TMCC3: variants seen among roughly 807,000 people sequenced by gnomAD.
TMCC3 encodes transmembrane and coiled-coil domain family 3, also known as transmembrane and coiled-coil domain protein 3.
TMCC3 carries 28 observed loss-of-function variants against 40.2 expected under a neutral mutation model. The observed-to-expected ratio is 0.70, with a 90% CI of 0.52 to 0.95. The LOEUF is 0.95. Among genes scored for constraint, TMCC3 ranks in the 40% least tolerant of loss-of-function variants. TMCC3 has a pLI of 0.00. For missense variants in TMCC3, 554 were observed against 615.2 expected (o/e 0.90, Z 1.05); for synonymous variants, 255 against 248.5 (o/e 1.03, Z -0.25).
rs139869380 is a variant in TMCC3 at position 94,584,932 on chromosome 12, T to C, written c.79-2394A>G. Among the ~76,000 whole-genome samples, 4 of 151,874 alleles carry C rather than the reference T, an allele frequency of 2.6e-5. No homozygotes were observed. In the East Asian group the frequency reaches 7.7e-4, roughly 29 times the overall value. On this transcript the variant is annotated intron_variant, in intron 1 of 3. Transcript: ENST00000261226. ...TCCTAGAGGGTCGACCACAGGAAGC[T>C]CAAGGAATCTAGTATCTGTGGCTCA...
intron 1 of TMCC3, among the ~76,000 whole-genome samples, chr12:94,589,056 C>T (rs888151977): frequency 6.6e-6 from 1 of 152,098 alleles, no homozygotes. Context: ...CTCCTGACCT[C>T]AGGTGATCCG....
intron 1 of TMCC3, among the ~76,000 whole-genome samples, chr12:94,603,756 C>A (rs1566325112): frequency 1.3e-5 from 2 of 152,208 alleles, no homozygotes; most frequent in Non-Finnish European, 1.5e-5. Flanking sequence ...AAGATGTATA[C>A]ACTTTACTGT....
Position 94,571,101 on chromosome 12 carries a change from G to A in TMCC3, c.*334C>T, listed in dbSNP as rs965648440. Reference sequence around the variant, plus strand: ...GAAGCTCAATTCTGACAGAGACTTAGGAGAGAGACCTCTTTCTTCAGGATC... The same window carrying A: ...GAAGCTCAATTCTGACAGAGACTTAAGAGAGAGACCTCTTTCTTCAGGATC... On this transcript the variant is annotated 3_prime_UTR_variant, in exon 4 of 4. Transcript: ENST00000261226. 1 of 284,906 alleles carries A rather than the reference G, an allele frequency of 3.5e-6. No individual in the cohort carries two copies. The highest frequency in any genetic ancestry group is 6.6e-6 in the Non-Finnish European group (1 of 150,576). The allele number at this position is 284,906 out of a possible 1,614,324, so 17.6% of individuals were successfully genotyped here.
At chr12:94,614,712 C>T (rs992891801) in intron 1 of TMCC3, among the ~76,000 whole-genome samples, 10 of 151,690 alleles carry the variant, frequency 6.6e-5, no homozygotes, top group African/African-American at 1.7e-4. Flanking sequence ...GATATGCTGT[C>T]GGAACAACTG....
At chr12:94,590,971 A>C (rs1047040780) in intron 1 of TMCC3, 2 of 567,316 alleles carry the variant, frequency 3.5e-6, no homozygotes, top group Non-Finnish European at 7.0e-6. Flanking sequence ...TCAACATTTA[A>C]ATATGATCTT....
At chr12:94,620,834 T>G (rs2068872417) in intron 1 of TMCC3, among the ~76,000 whole-genome samples, 1 of 152,222 alleles carries the variant, frequency 6.6e-6, no homozygotes, top group Admixed American at 6.5e-5. Flanking sequence ...TCTAAGGCAC[T>G]TTATGTGTTG....
intron 1 of TMCC3, among the ~76,000 whole-genome samples, chr12:94,607,048 G>A (rs181096968): frequency 7.2e-5 from 11 of 152,272 alleles, no homozygotes; most frequent in East Asian, 1.9e-4. Context: ...CAGAGTGGCC[G>A]TTTACAGACC....
intron 1 of TMCC3, among the ~76,000 whole-genome samples, chr12:94,613,454 G>A (rs973663959): frequency 1.3e-4 from 20 of 152,186 alleles, no homozygotes; most frequent in African/African-American, 4.6e-4. Flanking sequence ...GTGACAGAGC[G>A]AGACCCCGTC....
chr12:94,578,976 AT>A (rs1218174828), intron 2 of TMCC3, among the ~76,000 whole-genome samples: 2 of 152,200 alleles, frequency 1.3e-5, no homozygotes, highest in Non-Finnish European at 2.9e-5. Flanking sequence ...GGAAAGCACC[AT>A]GCTTTTAGTA....
intron 1 of TMCC3, among the ~76,000 whole-genome samples, chr12:94,630,576 C>T (rs2068927745): frequency 6.6e-6 from 1 of 152,164 alleles, no homozygotes; most frequent in Non-Finnish European, 1.5e-5. Context: ...TGCATGAGAG[C>T]TGTTTTAACC....
chr12:94,608,986 C>A (rs2138857504), intron 1 of TMCC3, among the ~76,000 whole-genome samples: 1 of 152,278 alleles, frequency 6.6e-6, no homozygotes, highest in East Asian at 1.9e-4. Flanking sequence ...GTAATCCCAG[C>A]ACTCTGGCTT....
intron 1 of TMCC3, among the ~76,000 whole-genome samples, chr12:94,643,639 T>C (rs1054917900): frequency 2.6e-5 from 4 of 152,204 alleles, no homozygotes; most frequent in Non-Finnish European, 4.4e-5. Context: ...TTCATTCACA[T>C]GTTTACTGGG....
At chr12:94,582,998 A>G (rs2068615983) in intron 1 of TMCC3, among the ~76,000 whole-genome samples, 1 of 145,536 alleles carries the variant, frequency 6.9e-6, no homozygotes, top group African/African-American at 2.5e-5. Context: ...TTTTTTTAAA[A>G]AAGAAAGATG....
chr12:94,585,442 A>G (rs556012867), intron 1 of TMCC3, among the ~76,000 whole-genome samples: 17 of 152,314 alleles, frequency 1.1e-4, no homozygotes, highest in Admixed American at 3.9e-4. Context: ...CACGCCTGTA[A>G]TCTCAGCACT....
At chr12:94,608,791 A>T (rs2068798384) in intron 1 of TMCC3, among the ~76,000 whole-genome samples, 1 of 152,192 alleles carries the variant, frequency 6.6e-6, no homozygotes, top group African/African-American at 2.4e-5. Flanking sequence ...TTTATTCAGG[A>T]GTGCCACATG....
At position 94,571,406 on chromosome 12, in the gene TMCC3, A is replaced by G. The variant is rs1221598221; in HGVS notation, c.*29T>C. The G allele has an allele frequency of 9.4e-6, 15 of 1,595,088 alleles. No homozygotes were observed. Among genetic ancestry groups the G allele is most frequent in the South Asian group, 2.3e-5 (2 of 88,882 alleles). ...GAGTTTTCTTTAAAATAAAAACTTG[A>G]AAGAACTTGAAGGCAGGAACCAGTG... On this transcript the variant is annotated 3_prime_UTR_variant, in exon 4 of 4. Transcript: ENST00000261226.
At chr12:94,574,618 C>T (rs189716585) in intron 3 of TMCC3, among the ~76,000 whole-genome samples, 76 of 152,262 alleles carry the variant, frequency 5.0e-4, no homozygotes, top group Non-Finnish European at 5.9e-5. Flanking sequence ...GGCCAAAGAA[C>T]AGGTTCTCTG....
intron 1 of TMCC3, among the ~76,000 whole-genome samples, chr12:94,588,263 A>G (rs1281568077): frequency 6.6e-6 from 1 of 152,140 alleles, no homozygotes; most frequent in Non-Finnish European, 1.5e-5. Flanking sequence ...GATGAACCAA[A>G]AAGGAAGGGT....
intron 1 of TMCC3, among the ~76,000 whole-genome samples, chr12:94,597,124 C>CATATATATATATAT (rs869220054): frequency 1.3e-3 from 38 of 29,804 alleles, no homozygotes; most frequent in African/African-American, 2.7e-3. Flanking sequence ...TATTAAAATA[C>CATATATATATATAT]ATATATATAT....
Sources: gnomAD v4.1 joint callset for allele counts (sites outside exome capture counted in the v4.1 genomes callset) on GRCh38, gnomAD v4.1.1 for gene constraint, MANE v1.5 for transcripts, NCBI Gene and HGNC (gene_info 2026-07-23, HGNC 2026-07-21) for gene names.